Variants in HIVEP1 observed in about 807,000 individuals in gnomAD.
HIVEP1 encodes zinc finger protein 40.
HIVEP1 carries 36 observed loss-of-function variants against 180.0 expected under a neutral mutation model. The observed-to-expected ratio is 0.20, with a 90% CI of 0.15 to 0.26. HIVEP1 has a LOEUF of 0.26. HIVEP1 is among the 10% of genes least tolerant of loss of function. The probability of loss-of-function intolerance (pLI) is 1.00; values close to 1 mark genes in which losing one functional copy is unlikely to be tolerated. For synonymous variants in HIVEP1, 1,239 were observed against 1,239.0 expected (o/e 1.00, Z 0.00); for missense variants, 3,143 against 3,268.7 (o/e 0.96, Z 0.94).
chr6:12,154,999 A>T (rs975010590), intron 7 of HIVEP1, among the ~76,000 whole-genome samples: 1 of 150,418 alleles, frequency 6.6e-6, no homozygotes, highest in Non-Finnish European at 1.5e-5. Context: ...TCTTATTTTG[A>T]TTATTTTTTC....
chr6:12,195,676 T>C, the HIVEP1 span, among the ~76,000 whole-genome samples: 1 of 52,582 alleles, frequency 1.9e-5, no homozygotes, highest in Non-Finnish European at 5.2e-5. Flanking sequence ...AACTACTGGT[T>C]GTCCTCAGAA....
rs557170140 is a variant in HIVEP1, at chr6:12,059,381, A to G, written c.41-29803A>G. On this transcript the variant is annotated intron_variant, in intron 2 of 8. Transcript: ENST00000379388. Reference sequence around the variant, plus strand: ...TCCTACATTTTTTGGGGGGCGGGGTACAGAGGTTGGGTGGGGATTCCCGCT... The same window carrying G: ...TCCTACATTTTTTGGGGGGCGGGGTGCAGAGGTTGGGTGGGGATTCCCGCT... 2.0e-5 allele frequency among the ~76,000 whole-genome samples: 3 copies of G among 152,264 alleles called. No homozygotes were observed. In the South Asian group the frequency reaches 6.2e-4, roughly 32 times the overall value.
chr6:12,053,954 T>A (rs555454418), intron 2 of HIVEP1, among the ~76,000 whole-genome samples: 1 of 152,338 alleles, frequency 6.6e-6, no homozygotes, highest in African/African-American at 2.4e-5. Context: ...GTACATTTGA[T>A]CCTTCTCCAT....
At chr6:12,194,884 T>C in the HIVEP1 span, among the ~76,000 whole-genome samples, 1 of 152,176 alleles carries the variant, frequency 6.6e-6, no homozygotes, top group African/African-American at 2.4e-5. Flanking sequence ...CCAAAGGGCT[T>C]TGAAAGCTAC....
the HIVEP1 span, among the ~76,000 whole-genome samples, chr6:12,176,000 C>T: frequency 6.6e-6 from 1 of 152,116 alleles, no homozygotes; most frequent in Admixed American, 6.5e-5. Context: ...CATTAGACAA[C>T]AAAGAAGCCT....
chr6:12,141,271 A>G (rs1256683827), intron 7 of HIVEP1, among the ~76,000 whole-genome samples: 1 of 150,378 alleles, frequency 6.6e-6, no homozygotes, highest in African/African-American at 2.5e-5. Context: ...AGCCAAACTA[A>G]GCCTCATAAG....
intron 2 of HIVEP1, among the ~76,000 whole-genome samples, chr6:12,051,317 A>G (rs1770525569): frequency 1.3e-5 from 2 of 151,742 alleles, no homozygotes; most frequent in African/African-American, 4.8e-5. Flanking sequence ...TGCAGGGTTC[A>G]TTTGTCACAT....
At chr6:12,187,019 A>G in the HIVEP1 span, among the ~76,000 whole-genome samples, 1 of 152,188 alleles carries the variant, frequency 6.6e-6, no homozygotes, top group Non-Finnish European at 1.5e-5. Context: ...AGATTGAAAC[A>G]TGCAGAAGGA....
At chr6:12,187,593 C>CT in the HIVEP1 span, among the ~76,000 whole-genome samples, 159 of 139,984 alleles carry the variant, frequency 1.1e-3, no homozygotes, top group Middle Eastern at 0.011. Flanking sequence ...CCAAATAAAT[C>CT]TTTTTTTTTT....
At chr6:12,135,645 A>T (rs1758661918) in intron 6 of HIVEP1, 146 bp from the exon 7 acceptor site, 1 of 564,208 alleles carries the variant, frequency 1.8e-6, no homozygotes, top group Admixed American at 3.1e-5. Context: ...TAGATACCAA[A>T]TTTTCTTTTG....
intron 3 of HIVEP1, among the ~76,000 whole-genome samples, chr6:12,092,400 C>T (rs1773532604): frequency 6.6e-6 from 1 of 152,144 alleles, no homozygotes; most frequent in African/African-American, 2.4e-5. Context: ...ATAGCTGTTA[C>T]TTTTCATTGT....
intron 7 of HIVEP1, among the ~76,000 whole-genome samples, chr6:12,144,011 C>T (rs181877403): frequency 3.2e-4 from 49 of 152,224 alleles, no homozygotes; most frequent in Admixed American, 1.2e-3. Context: ...ACTTTCTTCA[C>T]GGAACTGGAA....
Position 12,122,145 on chromosome 6 carries a change from A to G in HIVEP1, c.2350A>G (p.Lys784Glu). The G allele has an allele frequency of 6.2e-7, 1 of 1,614,218 alleles. No individual in the cohort carries two copies. The highest frequency in any genetic ancestry group is 8.5e-7 in the Non-Finnish European group (1 of 1,180,032). The change falls in exon 4 of 9, where the codon AAA (lysine) becomes GAA (glutamate). Residue 784 changes from lysine to glutamate, a missense_variant. This residue lies in a region of HIVEP1 where 32 missense variants were observed against 70.0 expected (regional missense o/e 0.46). Coordinates refer to ENST00000379388, the MANE Select transcript of HIVEP1 (RefSeq NM_002114.4). ...AAGACGAGGAAGCATTGATTCCCCC[A>G]AATCATACATATTTAAAGATTCTTT... ...LSRRGSIDSP[K>E]SYIFKDSFQF...
At chr6:12,192,218 T>C in the HIVEP1 span, among the ~76,000 whole-genome samples, 1 of 151,828 alleles carries the variant, frequency 6.6e-6, no homozygotes, top group Non-Finnish European at 1.5e-5. Context: ...TTTTCTTCAG[T>C]ATTTTTCTTT....
Position 12,120,327 on chromosome 6 carries a change from G to A in HIVEP1, c.532G>A (p.Glu178Lys), listed in dbSNP as rs866408305. 27 of 1,614,034 alleles carry A rather than the reference G, an allele frequency of 1.7e-5. No individual in the cohort carries two copies. The highest frequency in any genetic ancestry group is 5.3e-5 in the African/African-American group (4 of 74,906). Reference protein sequence around the residue: ...LSSKTRTDNSECISSHCGTTS... With the variant: ...LSSKTRTDNSKCISSHCGTTS... ...AAGTAAAACCAGGACTGACAATAGC[G>A]AATGCATCTCTTCTCATTGTGGCAC... Residue 178 changes from glutamate to lysine, a missense_variant, in exon 4 of 9, where the codon GAA becomes AAA. Transcript: ENST00000379388.
intron 7 of HIVEP1, among the ~76,000 whole-genome samples, chr6:12,138,589 T>C (rs183975646): frequency 1.3e-5 from 2 of 152,282 alleles, no homozygotes; most frequent in Admixed American, 1.3e-4. Flanking sequence ...GCCTCTCACA[T>C]AGGCCCCAGG....
intron 2 of HIVEP1, among the ~76,000 whole-genome samples, chr6:12,052,149 A>G (rs1239559805): frequency 6.6e-6 from 1 of 152,204 alleles, no homozygotes; most frequent in East Asian, 1.9e-4. Flanking sequence ...ATGAATAAAG[A>G]CATGTCTTCT....
chr6:12,029,520 C>A (rs1768798115), intron 2 of HIVEP1, among the ~76,000 whole-genome samples: 1 of 151,708 alleles, frequency 6.6e-6, no homozygotes, highest in Non-Finnish European at 1.5e-5. Context: ...CCTTAATTGC[C>A]TTCTTTTGTG....
the HIVEP1 span, among the ~76,000 whole-genome samples, chr6:12,205,232 G>A: frequency 1.3e-5 from 2 of 152,202 alleles, no homozygotes; most frequent in Non-Finnish European, 2.9e-5. Context: ...AGCACTTTGG[G>A]AGGCCAAGGC....
Sources: gnomAD v4.1 joint callset for allele counts (sites outside exome capture counted in the v4.1 genomes callset) on GRCh38, gnomAD v4.1.1 for gene constraint, gnomAD v4.1.1 regional missense constraint, MANE v1.5 for transcripts, NCBI Gene and HGNC (gene_info 2026-07-23, HGNC 2026-07-21) for gene names.